Variants in AGBL1 observed in about 807,000 individuals in gnomAD.
AGBL1 encodes AGBL carboxypeptidase 1, also known as cytosolic carboxypeptidase 4.
A neutral mutation model predicts 118.9 loss-of-function variants in AGBL1; 130 were observed. That is an observed-to-expected ratio of 1.09 (90% CI 0.95 to 1.26). AGBL1 has a LOEUF of 1.26. Among genes scored for constraint, AGBL1 ranks in the 50% most tolerant of loss-of-function variants. The probability of loss-of-function intolerance (pLI) is 0.00; values close to 1 mark genes in which losing one functional copy is unlikely to be tolerated. For missense variants in AGBL1, 1,584 were observed against 1,298.1 expected, an observed-to-expected ratio of 1.22 and a Z score of -3.38; for synonymous variants, 555 against 478.9, an observed-to-expected ratio of 1.16 and a Z score of -2.08.
At chr15:86,947,668 A>G (rs1169913361) in intron 23 of AGBL1, among the ~76,000 whole-genome samples, 8 of 152,230 alleles carry the variant, frequency 5.3e-5, no homozygotes, top group Non-Finnish European at 8.8e-5. Context: ...GTCAAAAGAT[A>G]TAGGCATTGA....
intron 18 of AGBL1, among the ~76,000 whole-genome samples, chr15:86,422,959 A>G (rs2081812586): frequency 6.6e-6 from 1 of 152,228 alleles, no homozygotes; most frequent in Non-Finnish European, 1.5e-5. Context: ...CTTACCAACC[A>G]AAAACAGTCC....
chr15:86,624,766 C>A (rs1361902869), intron 21 of AGBL1, among the ~76,000 whole-genome samples: 1 of 152,132 alleles, frequency 6.6e-6, no homozygotes, highest in Non-Finnish European at 1.5e-5. Flanking sequence ...GTCACAACTG[C>A]CCCAGGGACT....
At chr15:86,805,444 A>G (rs529072246) in intron 22 of AGBL1, among the ~76,000 whole-genome samples, 10 of 152,254 alleles carry the variant, frequency 6.6e-5, no homozygotes, top group African/African-American at 1.9e-4. Flanking sequence ...AGTACTGCCA[A>G]CCACTCAGCA....
intron 22 of AGBL1, among the ~76,000 whole-genome samples, chr15:86,790,928 T>C (rs2078484580): frequency 1.3e-5 from 2 of 151,934 alleles, no homozygotes; most frequent in East Asian, 3.9e-4. Flanking sequence ...TAATAAGTTG[T>C]AAAATCTACA....
intron 17 of AGBL1, among the ~76,000 whole-genome samples, chr15:86,317,804 G>A (rs2141837024): frequency 6.6e-6 from 1 of 152,292 alleles, no homozygotes; most frequent in East Asian, 1.9e-4. Flanking sequence ...GGGTATAGTT[G>A]TGTTCCAATA....
chr15:86,165,312 C>T (rs1003943493), intron 5 of AGBL1, among the ~76,000 whole-genome samples: 16 of 152,110 alleles, frequency 1.1e-4, no homozygotes, highest in African/African-American at 3.6e-4. Context: ...TTATTGGCAG[C>T]CCTTTCTGGT....
chr15:86,219,760 T>C (rs1471132637), intron 5 of AGBL1, among the ~76,000 whole-genome samples: 1 of 152,160 alleles, frequency 6.6e-6, no homozygotes, highest in Non-Finnish European at 1.5e-5. Context: ...CTGTGATGTA[T>C]GAATCCTCTG....
intron 15 of AGBL1, among the ~76,000 whole-genome samples, chr15:86,275,279 A>G (rs2079231708): frequency 6.6e-6 from 1 of 152,148 alleles, no homozygotes; most frequent in African/African-American, 2.4e-5. Flanking sequence ...GGAACAGCTC[A>G]CTCATGAAGA....
At chr15:86,807,861 A>C (rs749387684) in intron 22 of AGBL1, among the ~76,000 whole-genome samples, 9 of 152,180 alleles carry the variant, frequency 5.9e-5, no homozygotes, top group Non-Finnish European at 1.0e-4. Context: ...AGATAATTGA[A>C]GTAAAACAAG....
At chr15:86,115,329 A>T (rs886433234) in intron 1 of AGBL1, among the ~76,000 whole-genome samples, 1 of 152,174 alleles carries the variant, frequency 6.6e-6, no homozygotes, top group African/African-American at 2.4e-5. Context: ...AAAAAGCAGT[A>T]CCACTAGGTT....
intron 24 of AGBL1, among the ~76,000 whole-genome samples, chr15:86,994,948 C>T (rs114006287): frequency 0.011 from 1,689 of 152,188 alleles, 32 homozygotes; most frequent in African/African-American, 0.038. Context: ...TTCTTTAAAC[C>T]TGGTATTTAC....
chr15:86,239,972 C>T (rs1487505630), intron 6 of AGBL1, among the ~76,000 whole-genome samples: 1 of 152,124 alleles, frequency 6.6e-6, no homozygotes, highest in African/African-American at 2.4e-5. Context: ...TAGATATATA[C>T]AATCATTGCT....
rs1053026036 is a variant in AGBL1, at chr15:86,967,868, C to G, written c.3222-20119C>G. 5.9e-5 allele frequency among the ~76,000 whole-genome samples: 9 copies of G among 152,030 alleles called. No individual in the cohort carries two copies. The East Asian group carries it at 1.7e-3, about 29-fold the overall frequency. ...TTTTTTCCAATTCTGTGAAGAAAGT[C>G]ATTGGTAGCTTGATGGGGATGGCAT... On this transcript the variant is annotated intron_variant, in intron 23 of 24. Transcript: ENST00000441037.
At chr15:86,556,492 A>C (rs555991622) in intron 21 of AGBL1, among the ~76,000 whole-genome samples, 1 of 152,196 alleles carries the variant, frequency 6.6e-6, no homozygotes, top group African/African-American at 2.4e-5. Context: ...CCTTACAAAC[A>C]TTGTTGAGTA....
In AGBL1 at chr15:86,809,978, G is replaced by T. The variant is rs139123703; in HGVS notation, c.3159-97109G>T. Among the ~76,000 whole-genome samples, 8 of 152,118 alleles carry T rather than the reference G, an allele frequency of 5.3e-5. No individual in the cohort carries two copies. In the East Asian group the frequency reaches 1.5e-3, roughly 29 times the overall value. Reference sequence around the variant, plus strand: ...CCTCTAACACAAAATATTTGGAATGGAAACATTTGGTTCCAGATTTTTAAA... The same window carrying T: ...CCTCTAACACAAAATATTTGGAATGTAAACATTTGGTTCCAGATTTTTAAA... On this transcript the variant is annotated intron_variant, in intron 22 of 22. Transcript: ENST00000614907.
At chr15:86,632,630 GTTTT>G in intron 21 of AGBL1, among the ~76,000 whole-genome samples, 2 of 143,604 alleles carry the variant, frequency 1.4e-5, no homozygotes, top group South Asian at 2.2e-4. Context: ...ATCTCATCAT[GTTTT>G]TTTTTTTTTT....
intron 22 of AGBL1, among the ~76,000 whole-genome samples, chr15:86,710,607 G>C (rs1402851274): frequency 6.6e-6 from 1 of 152,162 alleles, no homozygotes; most frequent in Non-Finnish European, 1.5e-5. Context: ...GCTAGAAGAG[G>C]AAACAAGTAA....
At chr15:86,946,257 G>A in intron 23 of AGBL1, 1 of 152,222 alleles carries the variant, frequency 6.6e-6, no homozygotes, top group East Asian at 1.9e-4. Flanking sequence ...CACAAGTGAT[G>A]TGCTGAGCAG....
chr15:86,152,831 C>T (rs2077132232), intron 3 of AGBL1, among the ~76,000 whole-genome samples: 1 of 152,042 alleles, frequency 6.6e-6, no homozygotes, highest in South Asian at 2.1e-4. Context: ...AAAACAACCC[C>T]ATCAAAAAGT....
Sources: allele counts gnomAD v4.1 joint callset (sites outside exome capture counted in the v4.1 genomes callset), GRCh38; gene constraint gnomAD v4.1.1; transcripts MANE v1.5; gene names NCBI Gene and HGNC (gene_info 2026-07-23, HGNC 2026-07-21).